The following ANKHD1 variants were observed in gnomAD, a reference collection of about 807,000 sequenced individuals.
The protein encoded by ANKHD1 is ankyrin repeat and KH domain-containing protein 1.
Under a neutral mutation model 230.5 loss-of-function variants are expected in ANKHD1, and 31 were observed. The observed-to-expected ratio is 0.13, with a 90% CI of 0.10 to 0.18. The LOEUF is 0.18. ANKHD1 is among the 10% of genes least tolerant of loss of function. The probability of loss-of-function intolerance (pLI) is 1.00; values close to 1 mark genes in which losing one functional copy is unlikely to be tolerated. For synonymous variants in ANKHD1, 1,074 were observed against 1,117.6 expected (o/e 0.96, Z 0.78); for missense variants, 2,256 against 3,071.3 (o/e 0.73, Z 6.27).
In ANKHD1 at chr5:140,528,321, T is replaced by G; in HGVS notation, c.5375T>G (p.Phe1792Cys). ...PASTKSIHANFSSGVGTTAAS... is the reference protein window; with the variant it reads ...PASTKSIHANCSSGVGTTAAS... ...AGCACCAAATCAATTCATGCTAACT[T>G]CTCATCTGGAGTAGGTACCACAGCA... The change falls in exon 29 of 34, where the codon TTC becomes TGC. Residue 1792 changes from phenylalanine (F) to cysteine (C), a missense_variant. Physicochemically the swap from Phe to Cys is radical, Grantham distance 205 (BLOSUM62 -2). Around this residue, in one of 13 missense-constraint regions of ANKHD1, gnomAD observed 778 missense variants for 966.5 expected, o/e 0.80. Coordinates refer to ENST00000360839, the MANE Select transcript of ANKHD1 (RefSeq NM_017747.3). 1 of 1,614,106 alleles carries G rather than the reference T, an allele frequency of 6.2e-7. No individual in the cohort carries two copies. The highest frequency in any genetic ancestry group is 8.5e-7 in the Non-Finnish European group (1 of 1,180,020).
At chr5:140,420,724 T>A (rs1040048163) in intron 1 of ANKHD1, among the ~76,000 whole-genome samples, 1 of 152,250 alleles carries the variant, frequency 6.6e-6, no homozygotes, top group African/African-American at 2.4e-5. Flanking sequence ...CTGTCTTGAT[T>A]ACTGTAGCTT....
intron 1 of ANKHD1, among the ~76,000 whole-genome samples, chr5:140,406,327 G>A (rs1259708654): frequency 6.6e-6 from 1 of 152,116 alleles, no homozygotes; most frequent in Non-Finnish European, 1.5e-5. Context: ...AGTGAAGTTT[G>A]TCTTGTTGCT....
intron 10 of ANKHD1, among the ~76,000 whole-genome samples, chr5:140,478,449 AT>A (rs1248347659): frequency 6.6e-6 from 1 of 151,850 alleles, no homozygotes; most frequent in Non-Finnish European, 1.5e-5. Flanking sequence ...AGATCTTAAA[AT>A]TCAATCAATA....
intron 15 of ANKHD1, among the ~76,000 whole-genome samples, chr5:140,500,547 C>T (rs1267019034): frequency 1.3e-5 from 2 of 149,460 alleles, no homozygotes; most frequent in East Asian, 4.0e-4. Flanking sequence ...ACTTGGGGGG[C>T]TGAGGCAGGA....
In ANKHD1 at chr5:140,418,530, G is replaced by A. The variant is rs745920438; in HGVS notation, c.306+16257G>A. On this transcript the variant is annotated intron_variant, in intron 1 of 33. Coordinates refer to ENST00000360839, the MANE Select transcript of ANKHD1 (RefSeq NM_017747.3). ...ACTTTTATCACTCCCAAAAGAAGCC[G>A]TGTACTCCTTAGCAGTCTTTTCCCA... is the stretch of plus-strand genomic sequence containing the variant. 3.9e-5 allele frequency among the ~76,000 whole-genome samples: 6 copies of A among 152,218 alleles called. No individual in the cohort carries two copies. In the South Asian group the frequency reaches 6.2e-4, roughly 16 times the overall value.
Position 140,472,330 on chromosome 5 carries a change from G to A in ANKHD1, c.1782+7554G>A, listed in dbSNP as rs375218201. ...GCCTTTGATGCTTGTAAGCTACTAC[G>A]TAAAGAATAGATGTTGTAGGTAACC... On this transcript the variant is annotated intron_variant, in intron 10 of 33. Transcript: ENST00000360839. 3.6e-5 allele frequency: 58 copies of A among 1,610,964 alleles called. 1 individual carries two copies. Among genetic ancestry groups the A allele is most frequent in the Non-Finnish European group, 4.8e-5 (56 of 1,178,718 alleles).
At chr5:140,440,337 A>G in intron 4 of ANKHD1, 71 bp downstream of exon 4, 10 of 1,507,210 alleles carry the variant, frequency 6.6e-6, no homozygotes, top group Non-Finnish European at 8.9e-6. Flanking sequence ...TTTGTCACTT[A>G]TAAGATAGAT....
At chr5:140,463,742 G>A (rs1488140387) in intron 9 of ANKHD1, among the ~76,000 whole-genome samples, 1 of 151,864 alleles carries the variant, frequency 6.6e-6, no homozygotes, top group African/African-American at 2.4e-5. Flanking sequence ...TGTAACCTCC[G>A]CCTACTGGGC....
At chr5:140,484,563 C>G (rs917635262) in intron 11 of ANKHD1, among the ~76,000 whole-genome samples, 57 of 152,186 alleles carry the variant, frequency 3.7e-4, no homozygotes, top group Non-Finnish European at 4.4e-4. Context: ...ACTTTGAGAC[C>G]TGGCTATATT....
intron 33 of ANKHD1, 64 bp from the exon 34 acceptor site, chr5:140,539,295 A>G (rs1213875120): frequency 1.2e-6 from 2 of 1,607,060 alleles, no homozygotes; most frequent in African/African-American, 2.7e-5. Flanking sequence ...GCATTTATAT[A>G]TTCATTTTGT....
At chr5:140,537,744 A>G in intron 31 of ANKHD1, 155 bp downstream of exon 31, 1 of 1,246,434 alleles carries the variant, frequency 8.0e-7, no homozygotes, top group Non-Finnish European at 1.1e-6. Flanking sequence ...TGAGGAGTTC[A>G]GTCCAATTTC....
chr5:140,511,909 G>A (rs1346185198), intron 22 of ANKHD1, among the ~76,000 whole-genome samples: 2 of 152,184 alleles, frequency 1.3e-5, no homozygotes, highest in Admixed American at 6.5e-5. Context: ...AACCTTGGTA[G>A]GAAGGGAAAC....
intron 29 of ANKHD1, among the ~76,000 whole-genome samples, chr5:140,534,929 T>C (rs1315495482): frequency 6.6e-6 from 1 of 152,242 alleles, no homozygotes; most frequent in East Asian, 1.9e-4. Flanking sequence ...TTGTTACTTA[T>C]CTTCTATAGA....
chr5:140,538,178 A>G lies in ANKHD1; in HGVS notation c.7321A>G (p.Met2441Val), dbSNP rs756895797. The change falls in exon 32 of 34, where the codon ATG becomes GTG. Residue 2441 changes from methionine (M) to valine (V), a missense_variant. Physicochemically the swap from Met to Val is conservative, Grantham distance 21 (BLOSUM62 1). Around this residue, in one of 13 missense-constraint regions of ANKHD1, gnomAD observed 778 missense variants for 966.5 expected, o/e 0.80. Transcript: ENST00000360839. Reference protein sequence around the residue: ...DPSTFSQHQPMERDDSGMVAP... With the variant: ...DPSTFSQHQPVERDDSGMVAP... ...AAGCACATTCTCCCAACATCAGCCA[A>G]TGGAGAGAGATGATTCTGGAATGGT... 8.7e-6 allele frequency: 14 copies of G among 1,614,202 alleles called. No individual in the cohort carries two copies. The South Asian group carries it at 9.9e-5, about 11-fold the overall frequency.
At position 140,485,122 on chromosome 5, in the gene ANKHD1, T is replaced by G. The variant is rs1380883471; in HGVS notation, c.1872T>G (p.Gly624=). The G allele has an allele frequency of 6.2e-7, 1 of 1,600,800 alleles. No individual in the cohort carries two copies. Among genetic ancestry groups the G allele is most frequent in the African/African-American group, 1.3e-5 (1 of 74,844 alleles). The stretch of plus-strand genomic sequence containing the variant: ...ATTGCGATTTATTTTTCTTCAAAGG[T>G]GCCAATGTTAACAGGGCTACAGCCA... ...LCTVQFLISK[G]ANVNRATANN... Residue 624 remains glycine (G), a splice_region_variant and synonymous_variant, in exon 12 of 34, where the codon GGT becomes GGG. Transcript: ENST00000360839. This position sits in a 1 kb window ranked among gnomAD's most constrained non-coding sequence, Gnocchi z 4.8.
chr5:140,430,565 C>T (rs1286159397), intron 1 of ANKHD1, among the ~76,000 whole-genome samples: 1 of 151,868 alleles, frequency 6.6e-6, no homozygotes, highest in Non-Finnish European at 1.5e-5. Context: ...TGTACTCTAT[C>T]ACCAAGCCTT....
chr5:140,497,468 C>T (rs554241582), intron 15 of ANKHD1, among the ~76,000 whole-genome samples, 190 bp downstream of exon 15: 2 of 152,308 alleles, frequency 1.3e-5, no homozygotes, highest in South Asian at 4.1e-4. Flanking sequence ...TGTGTTTTCC[C>T]CTCTTCTTTT....
chr5:140,402,437 G>A (rs1770023477), intron 1 of ANKHD1, among the ~76,000 whole-genome samples, 164 bp downstream of exon 1: 1 of 152,240 alleles, frequency 6.6e-6, no homozygotes, highest in African/African-American at 2.4e-5. Context: ...TGAGCCCTCG[G>A]CTTACTCTTT....
chr5:140,462,650 G>C (rs1021789948), intron 9 of ANKHD1, among the ~76,000 whole-genome samples: 2 of 148,874 alleles, frequency 1.3e-5, no homozygotes, highest in Non-Finnish European at 3.0e-5. Flanking sequence ...GCGTGAACCC[G>C]AGAGGCAGAG....
Sources: gnomAD v4.1 joint callset for allele counts (sites outside exome capture counted in the v4.1 genomes callset) on GRCh38, gnomAD v4.1.1 for gene constraint, gnomAD v4.1.1 regional missense constraint, Gnocchi (gnomAD v3.1) non-coding constraint, MANE v1.5 for transcripts, NCBI Gene and HGNC (gene_info 2026-07-23, HGNC 2026-07-21) for gene names.